The following PHACTR2 variants were observed in gnomAD, a reference collection of about 807,000 sequenced individuals.
PHACTR2 encodes the protein phosphatase and actin regulator 2.
In PHACTR2, 30 loss-of-function variants were observed where a neutral mutation model predicts 76.0. The observed-to-expected ratio is 0.39, with a 90% confidence interval of 0.30 to 0.54. The LOEUF (loss-of-function observed/expected upper bound fraction) is 0.54. PHACTR2 is among the 20% of genes least tolerant of loss of function. The pLI is 0.61. For synonymous variants in PHACTR2, 292 were observed against 292.5 expected (o/e 1.00, Z 0.02); for missense variants, 696 against 781.1 (o/e 0.89, Z 1.30).
intron 1 of PHACTR2, among the ~76,000 whole-genome samples, chr6:143,691,253 A>G (rs1206048507): frequency 2.6e-5 from 4 of 151,836 alleles, no homozygotes; most frequent in Non-Finnish European, 5.9e-5. Context: ...AGTAAGTCAA[A>G]CCATGGTAAG....
In PHACTR2 at chr6:143,556,834, T is replaced by A. The variant is rs1024687660; in HGVS notation, c.217+19627T>A. Among the ~76,000 whole-genome samples, 9 of 152,194 alleles carry A rather than the reference T, an allele frequency of 5.9e-5. No individual in the cohort carries two copies. The highest frequency in any genetic ancestry group is 1.5e-5 in the Non-Finnish European group (1 of 68,030). ...CATTTAGAAAAGCATGCTTTTAAAG[T>A]GTGTCATTTAAGAGTAAGTATTCTT... is the stretch of plus-strand genomic sequence containing the variant. On this transcript the variant is annotated intron_variant, in intron 1 of 11. Coordinates refer to the PHACTR2 transcript ENST00000367584. This position sits in a 1 kb window ranked among gnomAD's most constrained non-coding sequence, Gnocchi z 4.3.
At position 143,753,608 on chromosome 6, in the gene PHACTR2, T is replaced by C; in HGVS notation, c.296-146T>C. The C allele has an allele frequency of 1.8e-6, 1 of 560,488 alleles. No homozygotes were observed. The highest frequency in any genetic ancestry group is 3.0e-5 in the East Asian group (1 of 32,838). The allele number at this position is 560,488 out of a possible 1,614,324, so 34.7% of individuals were successfully genotyped here. A position where few individuals can be genotyped will look rare whatever the true frequency, so the allele number is the denominator to read the frequency against. On this transcript the variant is annotated intron_variant, in intron 3 of 12. Coordinates refer to ENST00000440869, the MANE Select transcript of PHACTR2 (RefSeq NM_001100164.2). This position sits in a 1 kb window ranked among gnomAD's most constrained non-coding sequence, Gnocchi z 4.6. Reference sequence around the variant, plus strand: ...CAGAGGATTTTCTAGCTCTTTTGTTTTGAATAAACCGGTGAAACAGTGCAG... The same window carrying C: ...CAGAGGATTTTCTAGCTCTTTTGTTCTGAATAAACCGGTGAAACAGTGCAG...
rs368073260 is a variant in PHACTR2 at position 143,820,872 on chromosome 6, A to G, written c.1923-2802A>G. 3.4e-4 allele frequency among the ~76,000 whole-genome samples: 52 copies of G among 152,228 alleles called. 1 individual carries two copies. The East Asian group carries it at 9.1e-3, about 27-fold the overall frequency. On this transcript the variant is annotated intron_variant, in intron 12 of 12. Coordinates refer to ENST00000440869, the MANE Select transcript of PHACTR2 (RefSeq NM_001100164.2). This position sits in a 1 kb window ranked among gnomAD's most constrained non-coding sequence, Gnocchi z 4.2. Reference sequence around the variant, plus strand: ...TCTGCCTGGACACCCAGGCTTTTCCATGTATCCCCTGAAATCTAGGTGGAG... The same window carrying G: ...TCTGCCTGGACACCCAGGCTTTTCCGTGTATCCCCTGAAATCTAGGTGGAG...
At chr6:143,582,588 A>C (rs929320554) in intron 1 of PHACTR2, among the ~76,000 whole-genome samples, 1 of 152,176 alleles carries the variant, frequency 6.6e-6, no homozygotes, top group East Asian at 1.9e-4. Context: ...TAAAAAAAAA[A>C]CTTGGGAACA....
Position 143,611,721 on chromosome 6 carries a change from T to C in PHACTR2, c.13+3399T>C, listed in dbSNP as rs1158900744. Among the ~76,000 whole-genome samples the C allele has an allele frequency of 6.6e-6, 1 of 152,176 alleles. No individual in the cohort carries two copies. Among genetic ancestry groups the C allele is most frequent in the African/African-American group, 2.4e-5 (1 of 41,448 alleles). ...AGGTTGCTTTATGAACAAATAAATA[T>C]ATGCTCCAGCAGCGTGGCTCTGAAA... On this transcript the variant is annotated intron_variant, in intron 1 of 11. Coordinates refer to the PHACTR2 transcript ENST00000305766. The surrounding 1 kb of genome is among the most constrained non-coding windows in gnomAD (Gnocchi z 4.4).
chr6:143,593,417 G>A (rs998469589), intron 1 of PHACTR2, among the ~76,000 whole-genome samples: 2 of 152,162 alleles, frequency 1.3e-5, no homozygotes, highest in African/African-American at 4.8e-5. Flanking sequence ...GATGTTTATT[G>A]GAGATTATTG....
chr6:143,807,752 C>G lies in PHACTR2; in HGVS notation c.1922+619C>G, dbSNP rs556966272. Among the ~76,000 whole-genome samples the G allele has an allele frequency of 2.0e-5, 3 of 152,302 alleles. No individual in the cohort carries two copies. Among genetic ancestry groups the G allele is most frequent in the Non-Finnish European group, 2.9e-5 (2 of 68,028 alleles). Reference sequence around the variant, plus strand: ...TACTGGTGACGAAGGAGATCGCTATCATCTTACCATTTTTCCCTCAGTCCC... The same window carrying G: ...TACTGGTGACGAAGGAGATCGCTATGATCTTACCATTTTTCCCTCAGTCCC... On this transcript the variant is annotated intron_variant, in intron 12 of 12. Transcript: ENST00000440869. The surrounding 1 kb of genome is among the most constrained non-coding windows in gnomAD (Gnocchi z 5.5).
Position 143,760,416 on chromosome 6 carries a change from A to G in PHACTR2, c.470A>G (p.His157Arg). ...AEDKKENTEN[H>R]SETPAAPALP... ...TCGTTTATAGAGAACACTGAAAACC[A>G]CTCTGAAACACCGGCAGCTCCTGCT... is the stretch of plus-strand genomic sequence containing the variant. Residue 157 changes from histidine to arginine, a missense_variant, in exon 5 of 13, where the codon CAC (histidine) becomes CGC (arginine). His to Arg is a conservative substitution (Grantham distance 29). Around this residue, in one of 2 missense-constraint regions of PHACTR2, gnomAD observed 460 missense variants for 450.9 expected, o/e 1.02. Transcript: ENST00000440869. This position sits in a 1 kb window ranked among gnomAD's most constrained non-coding sequence, Gnocchi z 6.4. 6.2e-7 allele frequency: 1 copy of G among 1,611,322 alleles called. No individual in the cohort carries two copies.
intron 1 of PHACTR2, among the ~76,000 whole-genome samples, chr6:143,644,238 C>T (rs1776615485): frequency 6.6e-6 from 1 of 151,940 alleles, no homozygotes; most frequent in African/African-American, 2.4e-5. Flanking sequence ...CAGGCTAAGG[C>T]GGGTGGAACA....
rs9403502 is a variant in PHACTR2, at chr6:143,537,969, C to T, written c.217+762C>T. The stretch of plus-strand genomic sequence containing the variant: ...TACTAAAAATACAAAAAATTAGCCG[C>T]CGAGGCGGCGCATGCCTGTAGTCCT... On this transcript the variant is annotated intron_variant, in intron 1 of 11. Transcript: ENST00000367584. The surrounding 1 kb of genome is among the most constrained non-coding windows in gnomAD (Gnocchi z 4.4). Among the ~76,000 whole-genome samples the T allele has an allele frequency of 6.6e-6, 1 of 152,148 alleles. No individual in the cohort carries two copies. Among genetic ancestry groups the T allele is most frequent in the African/African-American group, 2.4e-5 (1 of 41,436 alleles).
chr6:143,759,919 G>C (rs1351752868), intron 4 of PHACTR2, among the ~76,000 whole-genome samples: 1 of 152,166 alleles, frequency 6.6e-6, no homozygotes, highest in African/African-American at 2.4e-5. Context: ...GATCAGGCTT[G>C]AGTTCTCAAG....
rs1779000056 is a variant in PHACTR2 at position 143,743,989 on chromosome 6, C to A, written c.215-4996C>A. 6.6e-6 allele frequency among the ~76,000 whole-genome samples: 1 copy of A among 152,196 alleles called. No individual in the cohort carries two copies. The highest frequency in any genetic ancestry group is 1.5e-5 in the Non-Finnish European group (1 of 68,032). ...GCGGCATATGCTCCAGCCTCTTTTC[C>A]TGAGTGCAGCTCCACAGCTACCTCT... On this transcript the variant is annotated intron_variant, in intron 2 of 12. Coordinates refer to ENST00000440869, the MANE Select transcript of PHACTR2 (RefSeq NM_001100164.2). This position sits in a 1 kb window ranked among gnomAD's most constrained non-coding sequence, Gnocchi z 5.0.
rs867996140 is a variant in PHACTR2, at chr6:143,740,529, A to C, written c.215-8456A>C. On this transcript the variant is annotated intron_variant, in intron 2 of 12. Coordinates refer to ENST00000440869, the MANE Select transcript of PHACTR2 (RefSeq NM_001100164.2). ...TAATTAAAAAAAAAAAAAAAGGAAA[A>C]AATAAAATGAATATTTGTTCAAGTA... 2.7e-3 allele frequency among the ~76,000 whole-genome samples: 406 copies of C among 151,376 alleles called. 4 individuals are homozygous for C. The highest frequency in any genetic ancestry group is 9.4e-3 in the African/African-American group (384 of 41,040).
chr6:143,663,175 G>A lies in PHACTR2; in HGVS notation c.14-48841G>A, dbSNP rs144921864. On this transcript the variant is annotated intron_variant, in intron 1 of 11. Transcript: ENST00000305766. The surrounding 1 kb of genome is among the most constrained non-coding windows in gnomAD (Gnocchi z 4.1). ...GTGAATAGCACAGTGATGAACGTACGAGTGCATGTGTCTTTTTGCTATAGT... is the reference window on the plus strand; with the variant it reads ...GTGAATAGCACAGTGATGAACGTACAAGTGCATGTGTCTTTTTGCTATAGT... Among the ~76,000 whole-genome samples, 3 of 152,252 alleles carry A rather than the reference G, an allele frequency of 2.0e-5. No individual in the cohort carries two copies. Among genetic ancestry groups the A allele is most frequent in the East Asian group, 1.9e-4 (1 of 5,182 alleles).
chr6:143,582,514 T>A (rs1202609959), intron 1 of PHACTR2, among the ~76,000 whole-genome samples: 4 of 152,070 alleles, frequency 2.6e-5, no homozygotes, highest in Non-Finnish European at 5.9e-5. Flanking sequence ...TCCTGCAACT[T>A]TTTTCCTGAG....
rs1776420750 is a variant in PHACTR2, at chr6:143,821,668, A to C, written c.1923-2006A>C. Among the ~76,000 whole-genome samples, 1 of 152,232 alleles carries C rather than the reference A, an allele frequency of 6.6e-6. No individual in the cohort carries two copies. Among genetic ancestry groups the C allele is most frequent in the South Asian group, 2.1e-4 (1 of 4,832 alleles). On this transcript the variant is annotated intron_variant, in intron 12 of 12. Transcript: ENST00000440869. This position sits in a 1 kb window ranked among gnomAD's most constrained non-coding sequence, Gnocchi z 5.2. Reference sequence around the variant, plus strand: ...TGGAGAACTCACAGAGTGAGACTGCATAAAGCGCAGATGGTAAGAGAGATA... The same window carrying C: ...TGGAGAACTCACAGAGTGAGACTGCCTAAAGCGCAGATGGTAAGAGAGATA...
At position 143,816,846 on chromosome 6, in the gene PHACTR2, G is replaced by A. The variant is rs772545804; in HGVS notation, c.1923-6828G>A. Among the ~76,000 whole-genome samples, 7 of 151,956 alleles carry A rather than the reference G, an allele frequency of 4.6e-5. No individual in the cohort carries two copies. Among genetic ancestry groups the A allele is most frequent in the Admixed American group, 2.0e-4 (3 of 15,256 alleles). On this transcript the variant is annotated intron_variant, in intron 12 of 12. Transcript: ENST00000440869. This position sits in a 1 kb window ranked among gnomAD's most constrained non-coding sequence, Gnocchi z 4.5. ...TTTGGGAGGCTGAGGCGGGAGGATCGCTTGAGGCCAGGAGTTCAAGACCAG... is the reference window on the plus strand; with the variant it reads ...TTTGGGAGGCTGAGGCGGGAGGATCACTTGAGGCCAGGAGTTCAAGACCAG...
Position 143,789,505 on chromosome 6 carries a change from T to C in PHACTR2, c.1845+595T>C, listed in dbSNP as rs1386924025. ...AATCTAAATCATTGCACACAATTCC[T>C]GAAAAATGAAATATACAGTGGGTTC... On this transcript the variant is annotated intron_variant, in intron 11 of 12. Coordinates refer to ENST00000440869, the MANE Select transcript of PHACTR2 (RefSeq NM_001100164.2). This position sits in a 1 kb window ranked among gnomAD's most constrained non-coding sequence, Gnocchi z 5.1. 6.6e-6 allele frequency: 1 copy of C among 152,298 alleles called. No homozygotes were observed. Among genetic ancestry groups the C allele is most frequent in the Non-Finnish European group, 1.5e-5 (1 of 68,080 alleles). The allele number at this position is 152,298 out of a possible 1,614,324, so 9.4% of individuals were successfully genotyped here.
At chr6:143,815,389 C>A (rs1175404750) in intron 12 of PHACTR2, among the ~76,000 whole-genome samples, 1 of 151,516 alleles carries the variant, frequency 6.6e-6, no homozygotes, top group African/African-American at 2.4e-5. Flanking sequence ...GCACTCCAGC[C>A]GTATGACAAA....
Sources: gnomAD v4.1 joint callset for allele counts (sites outside exome capture counted in the v4.1 genomes callset) on GRCh38, gnomAD v4.1.1 for gene constraint, gnomAD v4.1.1 regional missense constraint, Gnocchi (gnomAD v3.1) non-coding constraint, MANE v1.5 for transcripts, NCBI Gene and HGNC (gene_info 2026-07-23, HGNC 2026-07-21) for gene names.